Variants in CSMD1 observed in about 807,000 individuals in gnomAD.
The protein encoded by CSMD1 is CUB and Sushi multiple domains 1.
CSMD1 carries 213 observed loss-of-function variants against 417.5 expected under a neutral mutation model. The observed-to-expected ratio is 0.51, with a 90% CI of 0.46 to 0.57. CSMD1 has a LOEUF of 0.57. Ranked by LOEUF, CSMD1 falls within the 20% of genes least tolerant of loss-of-function variation. CSMD1 has a pLI of 0.00. For missense variants in CSMD1, 6,923 were observed against 4,529.7 expected, an observed-to-expected ratio of 1.53 and a Z score of -15.17; for synonymous variants, 2,862 against 1,736.8, an observed-to-expected ratio of 1.65 and a Z score of -16.11.
At chr8:4,175,754 TAA>T (rs1798004578) in intron 3 of CSMD1, among the ~76,000 whole-genome samples, 1 of 152,138 alleles carries the variant, frequency 6.6e-6, no homozygotes, top group Non-Finnish European at 1.5e-5. Flanking sequence ...GGTGAAATAT[TAA>T]GTTAAAAAGA....
At chr8:4,368,763 T>C (rs1335269536) in intron 3 of CSMD1, among the ~76,000 whole-genome samples, 1 of 152,176 alleles carries the variant, frequency 6.6e-6, no homozygotes, top group Non-Finnish European at 1.5e-5. Flanking sequence ...GAGGTGCTCA[T>C]AATACTCTCA....
At chr8:4,770,158 A>C (rs564711736) in intron 1 of CSMD1, among the ~76,000 whole-genome samples, 1 of 150,992 alleles carries the variant, frequency 6.6e-6, no homozygotes, top group East Asian at 1.9e-4. Flanking sequence ...ATACAGATTC[A>C]ATACATATTC....
At chr8:4,845,924 G>A (rs1021318292) in intron 1 of CSMD1, among the ~76,000 whole-genome samples, 14 of 152,194 alleles carry the variant, frequency 9.2e-5, no homozygotes, top group South Asian at 4.1e-4. Flanking sequence ...GCTAGCCTAT[G>A]AACTTTGCCT....
intron 1 of CSMD1, among the ~76,000 whole-genome samples, chr8:4,889,991 G>T (rs1032377458): frequency 1.3e-5 from 2 of 152,078 alleles, no homozygotes; most frequent in African/African-American, 4.8e-5. Flanking sequence ...AGAAATATAT[G>T]ACTTCAGGTA....
intron 1 of CSMD1, among the ~76,000 whole-genome samples, chr8:4,705,059 G>A (rs558718579): frequency 1.3e-5 from 2 of 152,110 alleles, no homozygotes; most frequent in Non-Finnish European, 2.9e-5. Flanking sequence ...ATGCTAGTGG[G>A]TGAGTTCTCA....
At chr8:3,945,043 G>C (rs565940586) in intron 5 of CSMD1, among the ~76,000 whole-genome samples, 2 of 152,306 alleles carry the variant, frequency 1.3e-5, no homozygotes, top group East Asian at 1.9e-4. Context: ...CATCCAGAGA[G>C]AGCTCTATAA....
intron 2 of CSMD1, among the ~76,000 whole-genome samples, chr8:4,513,369 T>A (rs1483881676): frequency 6.6e-6 from 1 of 152,184 alleles, no homozygotes; most frequent in Non-Finnish European, 1.5e-5. Context: ...ACTATAGCGA[T>A]GCTAATTTAA....
chr8:3,207,500 C>A (rs901704174), intron 30 of CSMD1, among the ~76,000 whole-genome samples: 2 of 152,012 alleles, frequency 1.3e-5, no homozygotes, highest in African/African-American at 4.8e-5. Context: ...ATGTTTAATT[C>A]TTTGAATGTT....
chr8:4,961,211 AC>A (rs1234846548), intron 1 of CSMD1, among the ~76,000 whole-genome samples: 3 of 152,152 alleles, frequency 2.0e-5, no homozygotes, highest in African/African-American at 7.2e-5. Flanking sequence ...ATTCTGTGTA[AC>A]TAGTGATATT....
chr8:3,705,739 T>C (rs1334471035), intron 7 of CSMD1, among the ~76,000 whole-genome samples: 1 of 152,158 alleles, frequency 6.6e-6, no homozygotes, highest in Non-Finnish European at 1.5e-5. Context: ...CAAGAGAGGT[T>C]TGTGTGCTTG....
chr8:3,588,722 G>T (rs536717211), intron 8 of CSMD1, among the ~76,000 whole-genome samples: 2 of 150,644 alleles, frequency 1.3e-5, no homozygotes, highest in Middle Eastern at 6.8e-3. Flanking sequence ...GGCAAAAACA[G>T]ACAAACGAGA....
chr8:4,689,890 G>T (rs1187297798), intron 1 of CSMD1, among the ~76,000 whole-genome samples: 2 of 152,126 alleles, frequency 1.3e-5, no homozygotes. Context: ...TACTATGGAG[G>T]TAAGAAGGAA....
At chr8:3,363,849 C>T (rs1469545607) in intron 20 of CSMD1, among the ~76,000 whole-genome samples, 2 of 152,140 alleles carry the variant, frequency 1.3e-5, no homozygotes, top group Non-Finnish European at 2.9e-5. Context: ...GTATCCAGTG[C>T]ACATAGTTAG....
At chr8:4,782,354 TG>T (rs1311255280) in intron 1 of CSMD1, among the ~76,000 whole-genome samples, 1 of 152,212 alleles carries the variant, frequency 6.6e-6, no homozygotes, top group Admixed American at 6.5e-5. Flanking sequence ...TTAAAACTAC[TG>T]ATTATACCCC....
At chr8:3,743,046 C>A (rs1485168032) in intron 6 of CSMD1, among the ~76,000 whole-genome samples, 1 of 152,188 alleles carries the variant, frequency 6.6e-6, no homozygotes, top group African/African-American at 2.4e-5. Flanking sequence ...CACTTGACCG[C>A]CATGGTCCCT....
chr8:4,688,450 C>A (rs553304478), intron 1 of CSMD1, among the ~76,000 whole-genome samples: 1 of 152,224 alleles, frequency 6.6e-6, no homozygotes, highest in East Asian at 1.9e-4. Context: ...CTCCCCGGGT[C>A]CCTGCTGCCA....
At chr8:4,210,895 T>C (rs372448075) in intron 3 of CSMD1, among the ~76,000 whole-genome samples, 1 of 152,136 alleles carries the variant, frequency 6.6e-6, no homozygotes, top group African/African-American at 2.4e-5. Context: ...GACCATATTT[T>C]CTATAAGAAA....
intron 4 of CSMD1, among the ~76,000 whole-genome samples, chr8:4,028,244 C>G (rs756166365): frequency 3.3e-5 from 5 of 152,270 alleles, no homozygotes; most frequent in South Asian, 4.1e-4. Context: ...AATCCCAAAT[C>G]TAACATCTAT....
intron 3 of CSMD1, among the ~76,000 whole-genome samples, chr8:4,043,686 G>C (rs540947971): frequency 3.3e-5 from 5 of 152,260 alleles, no homozygotes; most frequent in South Asian, 2.1e-4. Context: ...ATTTATTTCA[G>C]TGTTCTGAAT....
Sources: gnomAD v4.1 joint callset for allele counts (sites outside exome capture counted in the v4.1 genomes callset) on GRCh38, gnomAD v4.1.1 for gene constraint, MANE v1.5 for transcripts, NCBI Gene and HGNC (gene_info 2026-07-23, HGNC 2026-07-21) for gene names.